Variants in SLC25A13 observed in about 807,000 individuals in gnomAD.
The protein encoded by SLC25A13 is solute carrier family 25 member 13.
Under a neutral mutation model 85.5 loss-of-function variants are expected in SLC25A13, and 70 were observed. The ratio of observed to expected loss-of-function variants is 0.82; its 90% CI spans 0.68 to 1.00. SLC25A13 has a LOEUF of 1.00. Among genes scored for constraint, SLC25A13 ranks in the 50% least tolerant of loss-of-function variants. The pLI is 0.00. For synonymous variants in SLC25A13, 259 were observed against 288.7 expected, an observed-to-expected ratio of 0.90 and a Z score of 1.04; for missense variants, 765 against 819.8, an observed-to-expected ratio of 0.93 and a Z score of 0.82.
chr7:96,255,139 C>T (rs991675185), intron 3 of SLC25A13, among the ~76,000 whole-genome samples: 19 of 152,170 alleles, frequency 1.2e-4, no homozygotes, highest in African/African-American at 4.3e-4. Flanking sequence ...AGTCTAAGTA[C>T]AACAGAACTA....
chr7:96,135,669 A>T (rs1792253701), intron 14 of SLC25A13, among the ~76,000 whole-genome samples: 1 of 152,176 alleles, frequency 6.6e-6, no homozygotes, highest in African/African-American at 2.4e-5. Context: ...TTACCAAGAG[A>T]TCAGCCATTC....
At chr7:96,151,684 T>C (rs1189052852) in intron 13 of SLC25A13, among the ~76,000 whole-genome samples, 1 of 152,056 alleles carries the variant, frequency 6.6e-6, no homozygotes, top group Non-Finnish European at 1.5e-5. Flanking sequence ...GACTCATGCC[T>C]GTAATCCCAG....
At chr7:96,321,581 G>T (rs184074608) in intron 1 of SLC25A13, among the ~76,000 whole-genome samples, 2 of 152,306 alleles carry the variant, frequency 1.3e-5, no homozygotes, top group Admixed American at 6.5e-5. Flanking sequence ...AGCGCGCTGG[G>T]AAGGTAGAGA....
chr7:96,245,861 A>C (rs1320013943), intron 3 of SLC25A13, among the ~76,000 whole-genome samples: 1 of 152,258 alleles, frequency 6.6e-6, no homozygotes, highest in East Asian at 1.9e-4. Flanking sequence ...AGGCAAATAA[A>C]GCAGATTTAA....
chr7:96,226,186 C>T (rs1796322624), intron 4 of SLC25A13, among the ~76,000 whole-genome samples: 1 of 152,164 alleles, frequency 6.6e-6, no homozygotes, highest in Admixed American at 6.5e-5. Context: ...CCCATTCCCC[C>T]TCCTCACAGC....
At chr7:96,225,242 C>G (rs1796288503) in intron 4 of SLC25A13, among the ~76,000 whole-genome samples, 1 of 152,120 alleles carries the variant, frequency 6.6e-6, no homozygotes, top group African/African-American at 2.4e-5. Flanking sequence ...CCAAGTCATA[C>G]AGATTAGCTC....
chr7:96,315,392 C>T (rs1800092812), intron 1 of SLC25A13, among the ~76,000 whole-genome samples: 1 of 152,120 alleles, frequency 6.6e-6, no homozygotes, highest in African/African-American at 2.4e-5. Flanking sequence ...GGAGGGAGAC[C>T]CAGGCATCAG....
At chr7:96,247,092 G>A (rs1412484264) in intron 3 of SLC25A13, among the ~76,000 whole-genome samples, 1 of 152,160 alleles carries the variant, frequency 6.6e-6, no homozygotes, top group African/African-American at 2.4e-5. Context: ...GGTTCTTTAT[G>A]CTTAAAGATG....
chr7:96,121,901 A>T lies in SLC25A13; in HGVS notation c.1688T>A (p.Ile563Lys). The T allele has an allele frequency of 6.2e-7, 1 of 1,614,134 alleles. No individual in the cohort carries two copies. Residue 563 changes from isoleucine (I) to lysine (K), a missense_variant, in exon 16 of 18, where the codon ATA (isoleucine) becomes AAA (lysine). Physicochemically the swap from Ile to Lys is moderately radical, Grantham distance 102 (BLOSUM62 -3). Transcript: ENST00000265631. ...ACGCAGTATCTTTCTAAAGCAGTCT[A>T]TCACTCCGCTGTAAGTGGTTTGGCC... ...RAGQTTYSGVIDCFRKILREE... is the reference protein window; with the variant it reads ...RAGQTTYSGVKDCFRKILREE...
At chr7:96,203,143 A>T (rs1795325002) in intron 5 of SLC25A13, among the ~76,000 whole-genome samples, 1 of 152,160 alleles carries the variant, frequency 6.6e-6, no homozygotes, top group Non-Finnish European at 1.5e-5. Context: ...GCCTCGACAG[A>T]CTTCCCATTA....
At chr7:96,236,522 C>T (rs1796750549) in intron 3 of SLC25A13, among the ~76,000 whole-genome samples, 1 of 152,220 alleles carries the variant, frequency 6.6e-6, no homozygotes, top group African/African-American at 2.4e-5. Context: ...TTGGGGACTG[C>T]TTCATGGCGG....
rs1449979787 is a variant in SLC25A13 at position 96,208,963 on chromosome 7, C to T, written c.343G>A (p.Val115Ile). The change falls in exon 5 of 18, where the codon GTT becomes ATT. Residue 115 changes from valine to isoleucine, a missense_variant. Val to Ile is a conservative substitution (Grantham distance 29). Transcript: ENST00000265631. ...GEVTFEDVKQ[V>I]FGQTTIHQHI... ...TGATGAATTGTGGTCTGTCCAAAAA[C>T]TTGCTTAACATCCTCTGAAAAGAGA... The T allele has an allele frequency of 6.2e-7, 1 of 1,614,032 alleles. No homozygotes were observed. Among genetic ancestry groups the T allele is most frequent in the South Asian group, 1.1e-5 (1 of 91,076 alleles).
chr7:96,321,986 AC>A lies in SLC25A13; in HGVS notation c.-31del. 1 of 1,536,950 alleles carries A rather than the reference AC, an allele frequency of 6.5e-7. No homozygotes were observed. On this transcript the variant is annotated 5_prime_UTR_variant, in exon 1 of 18. Transcript: ENST00000265631. ...CGCCCCGGTTGCGGGCGACTGCGGG[AC>A]CCACTGACTGGCTGGCTGGCGTTTG... is the stretch of plus-strand genomic sequence containing the variant.
At chr7:96,292,108 T>C (rs187504995) in intron 2 of SLC25A13, among the ~76,000 whole-genome samples, 106 of 152,256 alleles carry the variant, frequency 7.0e-4, no homozygotes, top group South Asian at 8.3e-4. Flanking sequence ...ATCCCTGGGG[T>C]GCAAGGCTGG....
intron 9 of SLC25A13, among the ~76,000 whole-genome samples, chr7:96,188,117 A>G (rs1464860303): frequency 2.0e-5 from 3 of 152,214 alleles, no homozygotes; most frequent in African/African-American, 4.8e-5. Context: ...AAATTTCTAC[A>G]ATAGCTGGTG....
chr7:96,315,338 C>T (rs73710279), intron 1 of SLC25A13, among the ~76,000 whole-genome samples: 2,010 of 152,294 alleles, frequency 0.013, 42 homozygotes, highest in African/African-American at 0.046. Context: ...TTCAAAAATC[C>T]TGAGGCTCAG....
chr7:96,317,911 C>T (rs1277749530), intron 1 of SLC25A13, among the ~76,000 whole-genome samples: 1 of 151,474 alleles, frequency 6.6e-6, no homozygotes, highest in African/African-American at 2.4e-5. Flanking sequence ...AAGTGATCCT[C>T]CTGCCTTAGC....
At chr7:96,187,620 G>T (rs1386675794) in intron 9 of SLC25A13, among the ~76,000 whole-genome samples, 3 of 152,072 alleles carry the variant, frequency 2.0e-5, no homozygotes. Context: ...TAGAGGGTGG[G>T]GGGAGGAGGG....
At chr7:96,195,168 C>T (rs1181752222) in intron 5 of SLC25A13, among the ~76,000 whole-genome samples, 2 of 152,144 alleles carry the variant, frequency 1.3e-5, no homozygotes, top group African/African-American at 4.8e-5. Flanking sequence ...CGTGTAAAGG[C>T]CATAAAATGA....
Sources: gnomAD v4.1 joint callset for allele counts (sites outside exome capture counted in the v4.1 genomes callset) on GRCh38, gnomAD v4.1.1 for gene constraint, MANE v1.5 for transcripts, NCBI Gene and HGNC (gene_info 2026-07-23, HGNC 2026-07-21) for gene names.